The following CDH12 variants were observed in gnomAD, a reference collection of about 807,000 sequenced individuals.
The protein encoded by CDH12 is cadherin 12, also known as cadherin-12.
A neutral mutation model predicts 74.1 loss-of-function variants in CDH12; 41 were observed. The ratio of observed to expected loss-of-function variants is 0.55; its 90% CI spans 0.43 to 0.72. The LOEUF is 0.72. Among genes scored for constraint, CDH12 ranks in the 30% least tolerant of loss-of-function variants. The pLI, the probability that CDH12 is intolerant of heterozygous loss-of-function variation, is 0.00. For missense variants in CDH12, 945 were observed against 977.2 expected, an observed-to-expected ratio of 0.97 and a Z score of 0.44; for synonymous variants, 399 against 355.0, an observed-to-expected ratio of 1.12 and a Z score of -1.39.
chr5:22,371,245 G>A (rs1741274781), intron 3 of CDH12, among the ~76,000 whole-genome samples: 1 of 152,052 alleles, frequency 6.6e-6, no homozygotes, highest in Non-Finnish European at 1.5e-5. Flanking sequence ...ACTCAGACAT[G>A]TTATGAAAAT....
intron 1 of CDH12, among the ~76,000 whole-genome samples, chr5:22,655,801 C>T (rs1332195571): frequency 6.6e-6 from 1 of 152,220 alleles, no homozygotes; most frequent in African/African-American, 2.4e-5. Context: ...TATCTTTAAA[C>T]ATGCTCCCCA....
At chr5:21,808,046 G>T (rs1386240212) in intron 9 of CDH12, among the ~76,000 whole-genome samples, 1 of 152,098 alleles carries the variant, frequency 6.6e-6, no homozygotes, top group East Asian at 1.9e-4. Context: ...AGGGGTGCCT[G>T]TGGGAACTGA....
chr5:22,402,034 T>A (rs190108882), intron 3 of CDH12, among the ~76,000 whole-genome samples: 59 of 152,324 alleles, frequency 3.9e-4, no homozygotes, highest in Non-Finnish European at 7.5e-4. Flanking sequence ...TTTGAGACAA[T>A]ACATTTTTGT....
intron 2 of CDH12, among the ~76,000 whole-genome samples, chr5:22,461,115 C>A (rs1745498880): frequency 7.2e-6 from 1 of 139,700 alleles, no homozygotes; most frequent in South Asian, 2.3e-4. Context: ...CTCACTGCAA[C>A]CTCCCGGGTT....
chr5:22,225,743 C>G (rs894715506), intron 3 of CDH12, among the ~76,000 whole-genome samples: 4 of 152,080 alleles, frequency 2.6e-5, no homozygotes, highest in African/African-American at 9.7e-5. Flanking sequence ...CCTTAAGAAT[C>G]AGGCCAACCA....
At chr5:22,300,603 T>G (rs1194400602) in intron 3 of CDH12, among the ~76,000 whole-genome samples, 1 of 152,182 alleles carries the variant, frequency 6.6e-6, no homozygotes, top group Non-Finnish European at 1.5e-5. Flanking sequence ...ATTTTTAACG[T>G]TTTGCACCAA....
chr5:21,887,642 C>A (rs10069414), intron 6 of CDH12, among the ~76,000 whole-genome samples: 18,532 of 152,158 alleles, frequency 0.12, 1,494 homozygotes, highest in African/African-American at 0.21. Context: ...CCTTCTTCAA[C>A]TGTTCCTTGT....
intron 13 of CDH12, among the ~76,000 whole-genome samples, chr5:21,757,688 T>C (rs1282382198): frequency 1.3e-5 from 2 of 152,198 alleles, no homozygotes; most frequent in Admixed American, 6.5e-5. Context: ...GTCAGTATCA[T>C]GTGGTTCCCA....
At chr5:22,078,350 T>A in intron 5 of CDH12, 96 bp downstream of exon 5, 1 of 1,034,088 alleles carries the variant, frequency 9.7e-7, no homozygotes, top group East Asian at 2.5e-5. Flanking sequence ...TTCTAGTCAC[T>A]GGTTTGTTCA....
rs571744498 is a variant in CDH12, at chr5:22,703,610, A to G, written c.-523+149448T>C. 3.9e-5 allele frequency among the ~76,000 whole-genome samples: 6 copies of G among 152,290 alleles called. No homozygotes were observed. In the East Asian group the frequency reaches 9.6e-4, roughly 24 times the overall value. Reference sequence around the variant, plus strand: ...AACTCCACATAATAGTTCAGTGTTAAGAAAAATGTGGCAAAAAAATTAAGT... The same window carrying G: ...AACTCCACATAATAGTTCAGTGTTAGGAAAAATGTGGCAAAAAAATTAAGT... On this transcript the variant is annotated intron_variant, in intron 1 of 14. Transcript: ENST00000382254.
intron 1 of CDH12, among the ~76,000 whole-genome samples, chr5:22,553,608 G>A (rs1217715000): frequency 6.6e-6 from 1 of 151,988 alleles, no homozygotes; most frequent in East Asian, 1.9e-4. Context: ...AACAACGCTG[G>A]TGAAAGAAAT....
chr5:22,084,115 A>G (rs1742914583), intron 4 of CDH12, among the ~76,000 whole-genome samples: 1 of 152,150 alleles, frequency 6.6e-6, no homozygotes, highest in Admixed American at 6.6e-5. Flanking sequence ...GTGACTGAAA[A>G]TTCAGAAAGT....
chr5:21,866,067 G>A (rs963448061), intron 6 of CDH12, among the ~76,000 whole-genome samples: 1 of 152,184 alleles, frequency 6.6e-6, no homozygotes, highest in Admixed American at 6.5e-5. Flanking sequence ...TCTCACTCTT[G>A]TCTTGTCTGC....
Position 22,570,092 on chromosome 5 carries a change from G to A in CDH12, c.-522-64728C>T, listed in dbSNP as rs148099545. 2.4e-3 allele frequency among the ~76,000 whole-genome samples: 362 copies of A among 151,734 alleles called. 1 individual carries two copies. The highest frequency in any genetic ancestry group is 7.4e-3 in the African/African-American group (306 of 41,330). ...ATTTATTGAGACCGAGTCTCGCTGC[G>A]ATGCCCAGGCTGGAGTGCAGTGGAG... On this transcript the variant is annotated intron_variant, in intron 1 of 14. Transcript: ENST00000382254.
chr5:21,917,038 T>C (rs1754129307), intron 6 of CDH12, among the ~76,000 whole-genome samples: 1 of 152,208 alleles, frequency 6.6e-6, no homozygotes, highest in Non-Finnish European at 1.5e-5. Context: ...TGCCTTCTGC[T>C]ACACCTTTCC....
At chr5:22,725,789 T>C (rs1226142900) in intron 1 of CDH12, among the ~76,000 whole-genome samples, 3 of 151,778 alleles carry the variant, frequency 2.0e-5, no homozygotes, top group Non-Finnish European at 4.4e-5. Flanking sequence ...TAGATGCATA[T>C]TCTTTTAAGG....
chr5:22,759,813 A>T (rs1017716094), intron 1 of CDH12, among the ~76,000 whole-genome samples: 3 of 152,196 alleles, frequency 2.0e-5, no homozygotes, highest in African/African-American at 7.2e-5. Flanking sequence ...GCAGTTGTGG[A>T]TGCTGGATAG....
chr5:21,903,200 A>C (rs972393233), intron 6 of CDH12, among the ~76,000 whole-genome samples: 1 of 152,142 alleles, frequency 6.6e-6, no homozygotes, highest in Non-Finnish European at 1.5e-5. Context: ...AAGCAGAAAA[A>C]TAAGTGGTAA....
chr5:21,787,754 T>C (rs1244050850), intron 10 of CDH12, among the ~76,000 whole-genome samples: 1 of 152,168 alleles, frequency 6.6e-6, no homozygotes, highest in Non-Finnish European at 1.5e-5. Flanking sequence ...CCAATTTCAG[T>C]GTGGTACCTT....
Sources: gnomAD v4.1 joint callset for allele counts (sites outside exome capture counted in the v4.1 genomes callset) on GRCh38, gnomAD v4.1.1 for gene constraint, MANE v1.5 for transcripts, NCBI Gene and HGNC (gene_info 2026-07-23, HGNC 2026-07-21) for gene names.